The following PDE4C variants were observed in gnomAD, a reference collection of about 807,000 sequenced individuals.
PDE4C encodes the protein phosphodiesterase 4C.
In PDE4C, 50 loss-of-function variants were observed where a neutral mutation model predicts 63.9. The observed-to-expected ratio is 0.78, with a 90% CI of 0.62 to 0.99. The LOEUF (loss-of-function observed/expected upper bound fraction) is 0.99, where lower values mean the gene tolerates loss of function less well. Among genes scored for constraint, PDE4C ranks in the 50% least tolerant of loss-of-function variants. PDE4C has a pLI of 0.00. For synonymous variants in PDE4C, 377 were observed against 385.1 expected, an observed-to-expected ratio of 0.98 and a Z score of 0.25; for missense variants, 777 against 899.1, an observed-to-expected ratio of 0.86 and a Z score of 1.74.
downstream of PDE4C, chr19:18,209,263 T>C (rs1278864401): frequency 6.6e-6 from 1 of 151,116 alleles, no homozygotes; most frequent in Non-Finnish European, 1.5e-5. Flanking sequence ...TTTTTTTTTT[T>C]CTTTTTGAGA....
intron 1 of PDE4C, chr19:18,224,120 T>C: frequency 3.7e-5 from 30 of 818,372 alleles, no homozygotes; most frequent in Non-Finnish European, 4.4e-5. Flanking sequence ...CTCTCCACAC[T>C]ACCTGTCCCG....
intron 11 of PDE4C, 74 bp downstream of exon 11, chr19:18,218,075 C>T: frequency 8.7e-7 from 1 of 1,150,516 alleles, no homozygotes; most frequent in Middle Eastern, 2.3e-4. Flanking sequence ...TGGGAACCCC[C>T]TGAGATCACC....
chr19:18,245,648 A>C (rs748494), intron 1 of PDE4C, among the ~76,000 whole-genome samples: 92,501 of 151,780 alleles, frequency 0.61, 28,375 homozygotes, highest in Middle Eastern at 0.71. Context: ...CACTCACCCA[A>C]CCCCACATTT....
chr19:18,220,013 A>G lies in PDE4C; in HGVS notation c.706+213T>C, dbSNP rs1162973486. On this transcript the variant is annotated intron_variant, in intron 7 of 14. Coordinates refer to ENST00000262805, the Ensembl canonical transcript of PDE4C. The surrounding 1 kb of genome is among the most constrained non-coding windows in gnomAD (Gnocchi z 5.1). Reference sequence around the variant, plus strand: ...GGTTCCCTCCATCTCCTCCTAGGCAAATTTCTACTCATGCTTCAAAACCGT... The same window carrying G: ...GGTTCCCTCCATCTCCTCCTAGGCAGATTTCTACTCATGCTTCAAAACCGT... Among the ~76,000 whole-genome samples the G allele has an allele frequency of 6.6e-6, 1 of 151,824 alleles. No individual in the cohort carries two copies. Among genetic ancestry groups the G allele is most frequent in the African/African-American group, 2.4e-5 (1 of 41,290 alleles).
At chr19:18,219,181 C>G in intron 8 of PDE4C, 53 bp downstream of exon 8, 1 of 1,611,982 alleles carries the variant, frequency 6.2e-7, no homozygotes, top group South Asian at 1.1e-5. Context: ...ATAGGGCATC[C>G]AGACAGAGCC....
chr19:18,245,654 C>G (rs1359029462), intron 1 of PDE4C, among the ~76,000 whole-genome samples: 1 of 152,178 alleles, frequency 6.6e-6, no homozygotes, highest in African/African-American at 2.4e-5. Context: ...CCCAACCCCA[C>G]ATTTTCTCTT....
intron 1 of PDE4C, among the ~76,000 whole-genome samples, chr19:18,244,881 G>A (rs188631376): frequency 3.2e-4 from 48 of 151,692 alleles, no homozygotes; most frequent in Admixed American, 7.2e-4. Context: ...CTTCACCCAG[G>A]CTGAAGTGCA....
chr19:18,209,949 C>T (rs1167023140), downstream of PDE4C: 1 of 152,270 alleles, frequency 6.6e-6, no homozygotes, highest in African/African-American at 2.4e-5. Context: ...CTGCCTCAGC[C>T]TCCCAAAGTG....
At chr19:18,244,109 A>G (rs1016323177) in intron 1 of PDE4C, among the ~76,000 whole-genome samples, 3 of 151,764 alleles carry the variant, frequency 2.0e-5, no homozygotes, top group Admixed American at 6.6e-5. Flanking sequence ...CCTGGCCTCA[A>G]GTAATCCACC....
At chr19:18,223,728 C>G (rs1417928321) in intron 1 of PDE4C, among the ~76,000 whole-genome samples, 1 of 152,234 alleles carries the variant, frequency 6.6e-6, no homozygotes, top group Non-Finnish European at 1.5e-5. Context: ...AAGACTGCGA[C>G]TGGATGACCA....
chr19:18,221,956 C>T (rs1333788436), intron 2 of PDE4C, among the ~76,000 whole-genome samples, 176 bp downstream of exon 2: 2 of 152,152 alleles, frequency 1.3e-5, no homozygotes, highest in African/African-American at 2.4e-5. Context: ...ACCACCCCTA[C>T]TCCAGCAAAA....
intron 1 of PDE4C, among the ~76,000 whole-genome samples, chr19:18,225,951 GGAGACGTGA>G (rs1968701106): frequency 6.6e-6 from 1 of 152,228 alleles, no homozygotes; most frequent in Non-Finnish European, 1.5e-5. Context: ...AGGGTCAGGA[GGAGACGTGA>G]GCCTCAGCCC....
chr19:18,231,262 G>A (rs776570915), upstream of PDE4C, among the ~76,000 whole-genome samples: 2 of 152,222 alleles, frequency 1.3e-5, no homozygotes, highest in South Asian at 2.1e-4. Flanking sequence ...CAGCGCATAC[G>A]ATGCGCAGAA....
At chr19:18,234,359 C>G (rs1446195408), upstream of PDE4C, 1 of 152,414 alleles carries the variant, frequency 6.6e-6, no homozygotes, top group South Asian at 2.1e-4. Context: ...CTCACAGCCA[C>G]GATTCCTGCC....
upstream of PDE4C, among the ~76,000 whole-genome samples, chr19:18,235,641 A>C (rs1239786484): frequency 1.3e-5 from 2 of 152,006 alleles, no homozygotes; most frequent in Non-Finnish European, 2.9e-5. Context: ...AGTGCTCCAC[A>C]ACAGCAACCA....
At position 18,223,250 on chromosome 19, in the gene PDE4C, G is replaced by A. The variant is rs1439296488; in HGVS notation, c.147-927C>T. 4.5e-5 allele frequency among the ~76,000 whole-genome samples: 6 copies of A among 132,068 alleles called. No homozygotes were observed. The East Asian group carries it at 1.3e-3, about 28-fold the overall frequency. The allele number at this position is 132,068 out of a possible 152,430, so 86.6% of individuals were successfully genotyped here. ...TTTGAGACAGAGTTTCACTCTTGTT[G>A]CCCAAGCTGGAGTGCAATGGCACAA... On this transcript the variant is annotated intron_variant, in intron 1 of 14. Coordinates refer to ENST00000262805, the Ensembl canonical transcript of PDE4C.
chr19:18,227,774 C>A (rs1038630827), upstream of PDE4C, among the ~76,000 whole-genome samples: 1 of 152,168 alleles, frequency 6.6e-6, no homozygotes, highest in Non-Finnish European at 1.5e-5. Context: ...CCCCCCGGGG[C>A]GGCTGCCTCA....
At chr19:18,218,020 C>T in intron 11 of PDE4C, 129 bp downstream of exon 11, 2 of 717,896 alleles carry the variant, frequency 2.8e-6, no homozygotes, top group South Asian at 1.7e-5. Context: ...GGAGGGAAAA[C>T]TGTCATAGTC....
At chr19:18,221,116 T>G (rs1968461975) in exon 4 of PDE4C, 1 of 1,345,402 alleles carries the variant, frequency 7.4e-7, no homozygotes, top group East Asian at 3.1e-5. Flanking sequence ...TGGCTGCTCC[T>G]AGGCATTGCT....
Sources: allele counts gnomAD v4.1 joint callset (sites outside exome capture counted in the v4.1 genomes callset), GRCh38; gene constraint gnomAD v4.1.1; non-coding constraint Gnocchi (gnomAD v3.1); transcripts MANE v1.5; gene names NCBI Gene and HGNC (gene_info 2026-07-23, HGNC 2026-07-21).